The following KCNT2 variants were observed in gnomAD, a reference collection of about 807,000 sequenced individuals.
The protein encoded by KCNT2 is potassium sodium-activated channel subfamily T member 2.
KCNT2 carries 67 observed loss-of-function variants against 153.8 expected under a neutral mutation model. The observed-to-expected ratio is 0.44, with a 90% CI of 0.36 to 0.53. The LOEUF is 0.53. KCNT2 is among the 20% of genes least tolerant of loss of function. KCNT2 has a pLI of 0.00. For missense variants in KCNT2, 975 were observed against 1,354.8 expected (o/e 0.72, Z 4.40); for synonymous variants, 500 against 458.8 (o/e 1.09, Z -1.15).
intron 27 of KCNT2, among the ~76,000 whole-genome samples, chr1:196,232,092 T>G (rs181177210): frequency 8.9e-4 from 135 of 151,902 alleles, no homozygotes; most frequent in African/African-American, 3.2e-3. Flanking sequence ...TCAAAAACAC[T>G]GAGTCTATTT....
intron 26 of KCNT2, among the ~76,000 whole-genome samples, chr1:196,247,385 A>G (rs954248838): frequency 6.6e-6 from 1 of 152,194 alleles, no homozygotes; most frequent in Non-Finnish European, 1.5e-5. Context: ...CAGACAGAAA[A>G]TCAGCAAGGA....
intron 1 of KCNT2, among the ~76,000 whole-genome samples, chr1:196,588,332 A>T (rs942342986): frequency 6.6e-6 from 1 of 151,968 alleles, no homozygotes; most frequent in Non-Finnish European, 1.5e-5. Context: ...CCCCAGGTGC[A>T]GTACACAACA....
chr1:196,395,069 G>A (rs1252970389), intron 13 of KCNT2, among the ~76,000 whole-genome samples: 1 of 150,760 alleles, frequency 6.6e-6, no homozygotes, highest in African/African-American at 2.4e-5. Flanking sequence ...TTATGATATG[G>A]TTATTCTCTT....
intron 5 of KCNT2, among the ~76,000 whole-genome samples, chr1:196,473,761 C>T (rs1486760807): frequency 6.6e-6 from 1 of 151,854 alleles, no homozygotes; most frequent in East Asian, 1.9e-4. Context: ...GTTTCATTGG[C>T]CAAAAAGGAG....
At chr1:196,280,769 T>A in intron 25 of KCNT2, 91 bp downstream of exon 25, 1 of 1,239,112 alleles carries the variant, frequency 8.1e-7, no homozygotes, top group South Asian at 1.3e-5. Flanking sequence ...TCACTTTCTC[T>A]TGCATTTTTT....
intron 12 of KCNT2, among the ~76,000 whole-genome samples, chr1:196,407,035 C>T (rs1228518797): frequency 2.0e-5 from 3 of 151,438 alleles, no homozygotes; most frequent in Admixed American, 6.6e-5. Context: ...AACACTGTAT[C>T]GTTTACTAGT....
At chr1:196,443,812 T>A (rs1675451313) in intron 8 of KCNT2, among the ~76,000 whole-genome samples, 1 of 151,566 alleles carries the variant, frequency 6.6e-6, no homozygotes, top group Non-Finnish European at 1.5e-5. Context: ...CACAGAACTA[T>A]TGACACTTGA....
At chr1:196,522,808 G>A (rs1653625279) in intron 1 of KCNT2, among the ~76,000 whole-genome samples, 2 of 152,086 alleles carry the variant, frequency 1.3e-5, no homozygotes, top group South Asian at 2.1e-4. Context: ...AGCATGTTGT[G>A]TCTAGGTAAA....
chr1:196,426,672 G>A (rs1673679641), intron 10 of KCNT2, among the ~76,000 whole-genome samples: 1 of 151,704 alleles, frequency 6.6e-6, no homozygotes. Context: ...AGGAATTTCT[G>A]GAGTTTAAAT....
chr1:196,519,599 A>G (rs1207731249), intron 1 of KCNT2, among the ~76,000 whole-genome samples: 1 of 152,012 alleles, frequency 6.6e-6, no homozygotes, highest in African/African-American at 2.4e-5. Flanking sequence ...AATCAGAAAC[A>G]ACAAAGGAGA....
intron 1 of KCNT2, among the ~76,000 whole-genome samples, chr1:196,499,804 T>C (rs1051347424): frequency 2.6e-5 from 4 of 152,164 alleles, no homozygotes; most frequent in African/African-American, 9.7e-5. Flanking sequence ...CTATTATTAA[T>C]TTATTTGATT....
At chr1:196,231,083 G>T (rs544308780) in intron 27 of KCNT2, among the ~76,000 whole-genome samples, 41 of 151,788 alleles carry the variant, frequency 2.7e-4, no homozygotes, top group Non-Finnish European at 5.5e-4. Flanking sequence ...ACCCCAATCT[G>T]TCAGCAGCCA....
intron 4 of KCNT2, 108 bp from the exon 5 acceptor site, chr1:196,479,346 T>G: frequency 4.6e-6 from 3 of 651,272 alleles, no homozygotes; most frequent in Non-Finnish European, 5.4e-6. Context: ...TATACATATA[T>G]GGGTGTATAA....
intron 1 of KCNT2, among the ~76,000 whole-genome samples, chr1:196,494,744 G>T (rs1221558095): frequency 1.3e-5 from 2 of 152,268 alleles, no homozygotes; most frequent in Middle Eastern, 3.4e-3. Flanking sequence ...AAACTAGAAA[G>T]AATTCGTAAT....
chr1:196,415,082 C>A (rs1250729078), intron 12 of KCNT2, among the ~76,000 whole-genome samples: 2 of 151,902 alleles, frequency 1.3e-5, no homozygotes, highest in South Asian at 2.1e-4. Context: ...TCAAGAACAA[C>A]TTACTTGGGG....
intron 21 of KCNT2, among the ~76,000 whole-genome samples, chr1:196,311,027 C>A (rs1487954828): frequency 6.6e-6 from 1 of 151,792 alleles, no homozygotes; most frequent in Non-Finnish European, 1.5e-5. Flanking sequence ...CTGTACCCAT[C>A]CTTTTGCCCA....
chr1:196,305,127 C>A, intron 22 of KCNT2, 107 bp downstream of exon 22: 1 of 681,156 alleles, frequency 1.5e-6, no homozygotes, highest in African/African-American at 1.8e-5. Flanking sequence ...AAATTCAAAA[C>A]AGCATTTTAG....
At position 196,268,028 on chromosome 1, in the gene KCNT2, C is replaced by T. The variant is rs144932538; in HGVS notation, c.2911-9534G>A. Among the ~76,000 whole-genome samples the T allele has an allele frequency of 2.7e-3, 411 of 152,254 alleles. 2 individuals are homozygous for T. Among genetic ancestry groups the T allele is most frequent in the African/African-American group, 9.1e-3 (379 of 41,550 alleles). On this transcript the variant is annotated intron_variant, in intron 25 of 27. Coordinates refer to ENST00000294725, the MANE Select transcript of KCNT2 (RefSeq NM_198503.5). ...GATGAAGCTCACTGGAGAACTGCTG[C>T]TTTTGATCCCTTAAAATGACAGACC...
intron 1 of KCNT2, among the ~76,000 whole-genome samples, chr1:196,582,949 G>A (rs569237501): frequency 3.9e-5 from 6 of 151,966 alleles, no homozygotes; most frequent in Non-Finnish European, 8.8e-5. Flanking sequence ...TTTGCATAGC[G>A]AAAAAGCCTT....
Sources: allele counts gnomAD v4.1 joint callset (sites outside exome capture counted in the v4.1 genomes callset), GRCh38; gene constraint gnomAD v4.1.1; transcripts MANE v1.5; gene names NCBI Gene and HGNC (gene_info 2026-07-23, HGNC 2026-07-21).